The following ZNF69 variants were observed in gnomAD, a reference collection of about 807,000 sequenced individuals.
ZNF69 encodes the protein zinc finger protein 69, also known as ZNF3.
In ZNF69, 47 loss-of-function variants were observed where a neutral mutation model predicts 50.9. The ratio of observed to expected loss-of-function variants is 0.92; its 90% CI spans 0.73 to 1.18. The LOEUF (loss-of-function observed/expected upper bound fraction) is 1.18, where lower values mean the gene tolerates loss of function less well. Among genes scored for constraint, ZNF69 ranks in the 50% most tolerant of loss-of-function variants. The pLI is 0.00. For missense variants in ZNF69, 717 were observed against 675.1 expected (o/e 1.06, Z -0.69); for synonymous variants, 216 against 223.1 (o/e 0.97, Z 0.29).
intron 1 of ZNF69, among the ~76,000 whole-genome samples, chr19:11,895,093 T>C (rs1037762701): frequency 2.6e-5 from 4 of 152,226 alleles, no homozygotes; most frequent in Admixed American, 1.3e-4. Flanking sequence ...TTCCAGCCAG[T>C]ATTGCCCCTC....
In ZNF69 at chr19:11,887,899, C is replaced by G; in HGVS notation, c.-25C>G. ...GAGGGACCTGGTTCCTCTGCCCAGG[C>G]TTCTGTCACTCTGTCACCTACGCTA... On this transcript the variant is annotated 5_prime_UTR_variant, in exon 1 of 4. Coordinates refer to ENST00000429654, the MANE Select transcript of ZNF69 (RefSeq NM_001364730.1). 6.2e-7 allele frequency: 1 copy of G among 1,607,268 alleles called. No homozygotes were observed. The highest frequency in any genetic ancestry group is 8.5e-7 in the Non-Finnish European group (1 of 1,175,330).
At chr19:11,978,551 C>T in the ZNF69 span, 1 of 1,614,160 alleles carries the variant, frequency 6.2e-7, no homozygotes, top group South Asian at 1.1e-5. Flanking sequence ...GGAAAGCTGT[C>T]CATTGTCTCA....
the ZNF69 span, chr19:11,950,004 C>T: frequency 1.9e-6 from 3 of 1,613,910 alleles, no homozygotes; most frequent in East Asian, 6.7e-5. Flanking sequence ...TCTGTAAATT[C>T]TCTTCTTTTC....
chr19:11,933,458 C>T, the ZNF69 span, among the ~76,000 whole-genome samples: 1 of 147,890 alleles, frequency 6.8e-6, no homozygotes, highest in Non-Finnish European at 1.5e-5. Flanking sequence ...TATCCACCAT[C>T]ACAGTCTTAT....
the ZNF69 span, among the ~76,000 whole-genome samples, chr19:11,971,977 G>T: frequency 5.3e-5 from 8 of 151,622 alleles, no homozygotes; most frequent in East Asian, 1.2e-3. Flanking sequence ...CAGGAGAATC[G>T]CTTGAACCCA....
At chr19:11,894,156 A>C (rs918143002) in intron 1 of ZNF69, among the ~76,000 whole-genome samples, 1 of 152,104 alleles carries the variant, frequency 6.6e-6, no homozygotes. Context: ...TCCTCCTTTC[A>C]TCTATCCTAA....
At chr19:11,933,437 C>T in the ZNF69 span, among the ~76,000 whole-genome samples, 3 of 147,810 alleles carry the variant, frequency 2.0e-5, no homozygotes, top group Middle Eastern at 3.2e-3. Flanking sequence ...AAGACAACTA[C>T]GTGTGTCATG....
intron 1 of ZNF69, among the ~76,000 whole-genome samples, chr19:11,902,783 C>T (rs962944320): frequency 6.6e-6 from 1 of 151,796 alleles, no homozygotes; most frequent in Non-Finnish European, 1.5e-5. Flanking sequence ...TACACAGCCT[C>T]AGGACTGCTA....
downstream of ZNF69, among the ~76,000 whole-genome samples, chr19:11,907,968 A>G (rs745936485): frequency 7.0e-4 from 107 of 152,226 alleles, no homozygotes; most frequent in Non-Finnish European, 1.3e-3. Context: ...AAATAAAGGG[A>G]TGGAGGAAGA....
At position 11,906,558 on chromosome 19, in the gene ZNF69, A is replaced by T. The variant is rs374938749; in HGVS notation, c.*460A>T. On this transcript the variant is annotated 3_prime_UTR_variant, in exon 4 of 4. Coordinates refer to ENST00000429654, the MANE Select transcript of ZNF69 (RefSeq NM_001364730.1). ...CAGCCCCTGCTGGTGATACCCAGGC[A>T]AACAGGGTCTGGAGTGGACCTCAAG... is the stretch of plus-strand genomic sequence containing the variant. Among the ~76,000 whole-genome samples, 8 of 152,368 alleles carry T rather than the reference A, an allele frequency of 5.3e-5. No individual in the cohort carries two copies. Among genetic ancestry groups the T allele is most frequent in the East Asian group, 3.9e-4 (2 of 5,180 alleles).
At chr19:11,963,088 A>AGAGAGAGAGAGAGAGAGTGTGTGTGT in the ZNF69 span, among the ~76,000 whole-genome samples, 2 of 138,248 alleles carry the variant, frequency 1.4e-5, no homozygotes, top group African/African-American at 6.1e-5. Flanking sequence ...AGAGAGAGAG[A>AGAGAGAGAGAGAGAGAGTGTGTGTGT]GTGTGTGTGT....
chr19:11,978,123 A>T, the ZNF69 span: 1 of 1,612,566 alleles, frequency 6.2e-7, no homozygotes, highest in Non-Finnish European at 8.5e-7. Flanking sequence ...CAGGAGTCTC[A>T]TAGAAGGGAA....
chr19:11,945,507 G>A, the ZNF69 span, among the ~76,000 whole-genome samples: 18 of 152,134 alleles, frequency 1.2e-4, no homozygotes, highest in Non-Finnish European at 2.5e-4. Context: ...TGCTTGAGGT[G>A]GACCTGGATT....
the ZNF69 span, chr19:11,950,153 G>A: frequency 6.2e-7 from 1 of 1,613,884 alleles, no homozygotes; most frequent in Admixed American, 1.7e-5. Flanking sequence ...AAGGAATGCG[G>A]AAAAGCATTC....
intron 1 of ZNF69, among the ~76,000 whole-genome samples, chr19:11,889,133 T>G (rs1977019685): frequency 6.6e-6 from 1 of 152,126 alleles, no homozygotes; most frequent in Non-Finnish European, 1.5e-5. Context: ...AGGGGGTCTG[T>G]TATCTGCCAC....
chr19:11,968,593 T>G, the ZNF69 span, among the ~76,000 whole-genome samples: 1 of 152,226 alleles, frequency 6.6e-6, no homozygotes, highest in Non-Finnish European at 1.5e-5. Context: ...TTGTTTTCTT[T>G]TCTTTCTAGC....
the ZNF69 span, among the ~76,000 whole-genome samples, chr19:11,951,818 A>G: frequency 5.3e-5 from 8 of 152,222 alleles, no homozygotes; most frequent in Non-Finnish European, 1.2e-4. Flanking sequence ...CTGATCCATC[A>G]TGGTCACTGA....
At chr19:11,925,074 C>T in the ZNF69 span, 1 of 954,256 alleles carries the variant, frequency 1.0e-6, no homozygotes, top group East Asian at 3.0e-5. Flanking sequence ...TGGCACTGCC[C>T]ACAGTTCATC....
the ZNF69 span, chr19:11,977,085 G>A: frequency 6.2e-7 from 1 of 1,614,168 alleles, no homozygotes; most frequent in Non-Finnish European, 8.5e-7. Context: ...CCCAGGAGGA[G>A]TGGGCTTTGC....
Sources: allele counts gnomAD v4.1 joint callset (sites outside exome capture counted in the v4.1 genomes callset), GRCh38; gene constraint gnomAD v4.1.1; transcripts MANE v1.5; gene names NCBI Gene and HGNC (gene_info 2026-07-23, HGNC 2026-07-21).